Variants in DNAH6 observed in about 807,000 individuals in gnomAD.
DNAH6 encodes the protein dynein axonemal heavy chain 6, also known as axonemal beta dynein heavy chain 6.
DNAH6 carries 340 observed loss-of-function variants against 491.4 expected under a neutral mutation model. The observed-to-expected ratio is 0.69, with a 90% confidence interval of 0.63 to 0.76. The LOEUF (loss-of-function observed/expected upper bound fraction) is 0.76. Ranked by LOEUF, DNAH6 falls within the 30% of genes least tolerant of loss-of-function variation. The probability of loss-of-function intolerance (pLI) is 0.00; values close to 1 mark genes in which losing one functional copy is unlikely to be tolerated. For synonymous variants in DNAH6, 1,603 were observed against 1,686.1 expected, an observed-to-expected ratio of 0.95 and a Z score of 1.21; for missense variants, 4,443 against 4,972.2, an observed-to-expected ratio of 0.89 and a Z score of 3.20.
the DNAH6 span, among the ~76,000 whole-genome samples, chr2:84,506,445 T>G: frequency 3.9e-5 from 6 of 152,204 alleles, no homozygotes; most frequent in African/African-American, 1.4e-4. Flanking sequence ...TTTGTTTGAG[T>G]TCATTGTAGA....
At chr2:84,751,737 C>A (rs1418245042) in intron 63 of DNAH6, among the ~76,000 whole-genome samples, 1 of 152,220 alleles carries the variant, frequency 6.6e-6, no homozygotes, top group Non-Finnish European at 1.5e-5. Flanking sequence ...AAGTTCTCTA[C>A]ACCAGTGTTC....
chr2:84,517,031 A>G (rs929431735), intron 1 of DNAH6, among the ~76,000 whole-genome samples: 3 of 152,160 alleles, frequency 2.0e-5, no homozygotes, highest in Admixed American at 6.5e-5. Flanking sequence ...TAAAAATGCT[A>G]TTGCTTGAAA....
At chr2:84,536,920 TA>T (rs1677745430) in intron 4 of DNAH6, among the ~76,000 whole-genome samples, 1 of 152,006 alleles carries the variant, frequency 6.6e-6, no homozygotes, top group African/African-American at 2.4e-5. Context: ...TGTCCCAAAT[TA>T]AAAATTATAT....
At chr2:84,481,621 T>G in the DNAH6 span, among the ~76,000 whole-genome samples, 1 of 152,142 alleles carries the variant, frequency 6.6e-6, no homozygotes, top group African/African-American at 2.4e-5. Context: ...AAGGAGCAAC[T>G]CATATGCTTG....
At chr2:84,717,400 G>T (rs1697644229) in intron 58 of DNAH6, among the ~76,000 whole-genome samples, 1 of 152,146 alleles carries the variant, frequency 6.6e-6, no homozygotes, top group Admixed American at 6.5e-5. Flanking sequence ...AGTAAATAAT[G>T]GGTTGTTACT....
chr2:84,473,016 A>C, the DNAH6 span, among the ~76,000 whole-genome samples: 2 of 152,184 alleles, frequency 1.3e-5, no homozygotes, highest in Non-Finnish European at 2.9e-5. Flanking sequence ...GCAGAAGCAA[A>C]GTCAGTTTGC....
chr2:84,490,762 A>G, the DNAH6 span, among the ~76,000 whole-genome samples: 1 of 152,038 alleles, frequency 6.6e-6, no homozygotes, highest in East Asian at 1.9e-4. Flanking sequence ...GGGTTTCACC[A>G]TGTTGGCCAT....
intron 4 of DNAH6, among the ~76,000 whole-genome samples, chr2:84,530,203 G>T (rs560033904): frequency 2.2e-4 from 34 of 152,224 alleles, no homozygotes; most frequent in Admixed American, 2.2e-3. Context: ...CCAGACATGA[G>T]TAAATTATGC....
Position 84,619,794 on chromosome 2 carries a change from G to C in DNAH6, c.3682G>C (p.Glu1228Gln). ...RKCFDSISKLEFALMPPAEGK... is the reference protein window; with the variant it reads ...RKCFDSISKLQFALMPPAEGK... The stretch of plus-strand genomic sequence containing the variant: ...ATGCTTCGACTCCATTTCAAAGCTC[G>C]AATTTGCTCTCATGCCTCCTGCCGA... The change falls in exon 24 of 77, where the codon GAA becomes CAA. Residue 1228 changes from glutamate (E) to glutamine (Q), a missense_variant. Glu to Gln is a conservative substitution (Grantham distance 29). Around this residue, in one of 3 missense-constraint regions of DNAH6, gnomAD observed 2,977 missense variants for 3,296.6 expected, o/e 0.90. Transcript: ENST00000389394. 1 of 1,551,574 alleles carries C rather than the reference G, an allele frequency of 6.4e-7. No homozygotes were observed.
chr2:84,813,616 A>G (rs1680210341), intron 74 of DNAH6, among the ~76,000 whole-genome samples: 1 of 152,144 alleles, frequency 6.6e-6, no homozygotes, highest in Non-Finnish European at 1.5e-5. Context: ...CTTAATACCT[A>G]TTAAACAGCC....
At chr2:84,670,019 A>G (rs961370528) in intron 38 of DNAH6, among the ~76,000 whole-genome samples, 1 of 152,226 alleles carries the variant, frequency 6.6e-6, no homozygotes, top group African/African-American at 2.4e-5. Context: ...CGTTTCCCCA[A>G]AAAAATATTC....
At chr2:84,689,738 A>AT (rs1694659929) in intron 45 of DNAH6, among the ~76,000 whole-genome samples, 1 of 152,210 alleles carries the variant, frequency 6.6e-6, no homozygotes, top group Non-Finnish European at 1.5e-5. Flanking sequence ...GACCAGAGGC[A>AT]TTATTGCAGC....
intron 64 of DNAH6, among the ~76,000 whole-genome samples, chr2:84,770,894 G>A (rs1402296455): frequency 6.6e-6 from 1 of 152,122 alleles, no homozygotes; most frequent in East Asian, 1.9e-4. Context: ...GAAGGCTGAG[G>A]CAGGAAGATT....
intron 16 of DNAH6, among the ~76,000 whole-genome samples, chr2:84,589,438 G>A (rs1683877737): frequency 1.3e-5 from 2 of 152,144 alleles, no homozygotes; most frequent in Admixed American, 1.3e-4. Context: ...AGGACCAGGA[G>A]CAGTGGCTTA....
At chr2:84,474,183 C>A in the DNAH6 span, among the ~76,000 whole-genome samples, 1 of 152,052 alleles carries the variant, frequency 6.6e-6, no homozygotes, top group African/African-American at 2.4e-5. Context: ...TGTAGTGCAC[C>A]CATGTGTTGA....
intron 45 of DNAH6, among the ~76,000 whole-genome samples, chr2:84,689,237 G>T (rs1312235818): frequency 6.6e-6 from 1 of 152,206 alleles, no homozygotes; most frequent in Non-Finnish European, 1.5e-5. Flanking sequence ...ATGAAACCAT[G>T]ATATGGAGCA....
At chr2:84,625,513 C>T (rs943013172) in intron 29 of DNAH6, among the ~76,000 whole-genome samples, 1 of 152,114 alleles carries the variant, frequency 6.6e-6, no homozygotes, top group Admixed American at 6.5e-5. Flanking sequence ...GACCCCTTTA[C>T]ACTCTTAAAA....
At chr2:84,556,012 T>C (rs1679984224) in intron 10 of DNAH6, among the ~76,000 whole-genome samples, 1 of 152,182 alleles carries the variant, frequency 6.6e-6, no homozygotes, top group East Asian at 1.9e-4. Context: ...GCAAGATTAT[T>C]CTCATAAGCA....
At chr2:84,489,048 T>C in the DNAH6 span, among the ~76,000 whole-genome samples, 7 of 152,204 alleles carry the variant, frequency 4.6e-5, no homozygotes, top group African/African-American at 1.4e-4. Flanking sequence ...CTCAAATAGG[T>C]CTGAAATCAT....
Sources: allele counts gnomAD v4.1 joint callset (sites outside exome capture counted in the v4.1 genomes callset), GRCh38; gene constraint gnomAD v4.1.1; regional missense constraint gnomAD v4.1.1; transcripts MANE v1.5; gene names NCBI Gene and HGNC (gene_info 2026-07-23, HGNC 2026-07-21).